The following NAV3 variants were observed in gnomAD, a reference collection of about 807,000 sequenced individuals.
NAV3 encodes the protein pore membrane and/or filament interacting like protein 1.
NAV3 carries 87 observed loss-of-function variants against 244.7 expected under a neutral mutation model. The observed-to-expected ratio is 0.36, with a 90% CI of 0.30 to 0.42. The LOEUF (loss-of-function observed/expected upper bound fraction) is 0.42. Ranked by LOEUF, NAV3 falls within the 20% of genes least tolerant of loss-of-function variation. NAV3 has a pLI of 1.00. For synonymous variants in NAV3, 1,126 were observed against 1,042.2 expected, an observed-to-expected ratio of 1.08 and a Z score of -1.55; for missense variants, 2,663 against 2,893.3, an observed-to-expected ratio of 0.92 and a Z score of 1.83.
chr12:78,013,822 G>A lies in NAV3; in HGVS notation c.1907+6377G>A, dbSNP rs373885055. Reference sequence around the variant, plus strand: ...TTAGGTTTGTTAAATCTCGAAGGAGGTTCCAGTTATTGGAAGAAAAGAGAA... The same window carrying A: ...TTAGGTTTGTTAAATCTCGAAGGAGATTCCAGTTATTGGAAGAAAAGAGAA... On this transcript the variant is annotated intron_variant, in intron 8 of 39. Coordinates refer to ENST00000397909, the MANE Select transcript of NAV3 (RefSeq NM_001024383.2). 2.0e-5 allele frequency among the ~76,000 whole-genome samples: 3 copies of A among 152,086 alleles called. No individual in the cohort carries two copies. In the South Asian group the frequency reaches 6.2e-4, roughly 32 times the overall value.
rs1882329306 is a variant in NAV3 at position 78,049,118 on chromosome 12, T to A, written c.2024-875T>A. ...GTCCTTCAGACTGCTGTGCTGGCAATGAGAATTTCAAGCCAGTGGATCTTA... is the reference window on the plus strand; with the variant it reads ...GTCCTTCAGACTGCTGTGCTGGCAAAGAGAATTTCAAGCCAGTGGATCTTA... On this transcript the variant is annotated intron_variant, in intron 9 of 39. Transcript: ENST00000397909. 2.0e-5 allele frequency among the ~76,000 whole-genome samples: 3 copies of A among 152,254 alleles called. No individual in the cohort carries two copies. In the South Asian group the frequency reaches 6.2e-4, roughly 32 times the overall value.
At chr12:77,731,272 C>G (rs936472601) in intron 2 of NAV3, among the ~76,000 whole-genome samples, 1 of 151,816 alleles carries the variant, frequency 6.6e-6, no homozygotes, top group Non-Finnish European at 1.5e-5. Context: ...AGGGGAAGGT[C>G]TTTCAGAGAA....
Position 78,122,073 on chromosome 12 carries a change from AC to A in NAV3, c.3884del (p.Thr1295ArgfsTer10). 1 of 1,614,202 alleles carries A rather than the reference AC, an allele frequency of 6.2e-7. No individual in the cohort carries two copies. The highest frequency in any genetic ancestry group is 8.5e-7 in the Non-Finnish European group (1 of 1,180,032). On this transcript the variant is annotated frameshift_variant, in exon 16 of 40. Coordinates refer to ENST00000397909, the MANE Select transcript of NAV3 (RefSeq NM_001024383.2). LOFTEE classifies it high-confidence loss of function. ...QGSLESPSSG[T>X]GSMGSAGGLS... ...CAGTCTGGAGTCACCGTCGTCCGGT[AC>A]GGGCAGCATGGGCAGTGCTGGTGGG...
intron 2 of NAV3, among the ~76,000 whole-genome samples, chr12:77,628,274 CA>C (rs1190053205): frequency 6.6e-6 from 1 of 151,920 alleles, no homozygotes; most frequent in Non-Finnish European, 1.5e-5. Flanking sequence ...TAAATATGTA[CA>C]ATTATTATGT....
At chr12:77,721,097 G>A (rs1876608142) in intron 2 of NAV3, among the ~76,000 whole-genome samples, 1 of 152,088 alleles carries the variant, frequency 6.6e-6, no homozygotes, top group Non-Finnish European at 1.5e-5. Flanking sequence ...GTCCATATCT[G>A]GACCCAGTGG....
In NAV3 at chr12:78,210,465, G is replaced by T. The variant is rs764074467; in HGVS notation, c.7106G>T (p.Ser2369Ile). ...AGCACACAAAGCTGCGACAGCGAAAGCACCAGCCACCATGAAGACATTTTG... is the reference window on the plus strand; with the variant it reads ...AGCACACAAAGCTGCGACAGCGAAATCACCAGCCACCATGAAGACATTTTG... The part of the protein sequence containing the change: ...YSSTQSCDSE[S>I]TSHHEDILDS... Residue 2369 changes from serine (S) to isoleucine (I), a missense_variant, in exon 40 of 40, where the codon AGC (serine) becomes ATC (isoleucine). Transcript: ENST00000397909. The T allele has an allele frequency of 6.2e-7, 1 of 1,613,780 alleles. No homozygotes were observed. Among genetic ancestry groups the T allele is most frequent in the Non-Finnish European group, 8.5e-7 (1 of 1,179,864 alleles).
intron 3 of NAV3, among the ~76,000 whole-genome samples, chr12:77,956,648 A>G (rs1215577002): frequency 6.6e-6 from 1 of 152,148 alleles, no homozygotes; most frequent in Non-Finnish European, 1.5e-5. Flanking sequence ...CCTTGTGAAC[A>G]GTTTTCCTTA....
chr12:77,997,920 C>A (rs1593233684), intron 6 of NAV3, among the ~76,000 whole-genome samples: 1 of 152,144 alleles, frequency 6.6e-6, no homozygotes, highest in Non-Finnish European at 1.5e-5. Flanking sequence ...ACAATAAAAA[C>A]AAATGCCTTA....
intron 12 of NAV3, among the ~76,000 whole-genome samples, chr12:78,111,985 T>C (rs1253416326): frequency 2.0e-5 from 3 of 152,204 alleles, no homozygotes; most frequent in Admixed American, 6.5e-5. Flanking sequence ...AACTAAATAA[T>C]CTACGTTGGC....
At chr12:78,173,673 C>G (rs1335770858) in intron 24 of NAV3, among the ~76,000 whole-genome samples, 1 of 151,000 alleles carries the variant, frequency 6.6e-6, no homozygotes, top group Non-Finnish European at 1.5e-5. Flanking sequence ...AATGTTTTGG[C>G]ATGCAAAACC....
intron 2 of NAV3, among the ~76,000 whole-genome samples, chr12:77,790,917 T>A (rs1871148990): frequency 6.6e-6 from 1 of 152,128 alleles, no homozygotes; most frequent in African/African-American, 2.4e-5. Context: ...TTTAAGGGCG[T>A]CCCTCTTACT....
At position 78,051,160 on chromosome 12, in the gene NAV3, G is replaced by A. The variant is rs1188250087; in HGVS notation, c.2516+13G>A. ...ACATCAACAGTGGGTAAGTAACCCT[G>A]TTCTCCGTCAGCATTGTGTGAAGAG... is the stretch of plus-strand genomic sequence containing the variant. On this transcript the variant is annotated intron_variant, in intron 11 of 39. Coordinates refer to ENST00000397909, the MANE Select transcript of NAV3 (RefSeq NM_001024383.2). 3.8e-6 allele frequency: 6 copies of A among 1,590,996 alleles called. No homozygotes were observed. The highest frequency in any genetic ancestry group is 4.3e-6 in the Non-Finnish European group (5 of 1,163,532).
At chr12:78,000,482 T>G (rs2136465897) in intron 7 of NAV3, among the ~76,000 whole-genome samples, 1 of 150,438 alleles carries the variant, frequency 6.6e-6, no homozygotes, top group South Asian at 2.1e-4. Context: ...GAGGTAATAA[T>G]ATATTACACT....
intron 12 of NAV3, among the ~76,000 whole-genome samples, chr12:78,085,597 G>A (rs950790769): frequency 6.6e-6 from 1 of 152,088 alleles, no homozygotes; most frequent in Non-Finnish European, 1.5e-5. Context: ...AGAAATAGAA[G>A]ATGTAGTAGA....
chr12:77,983,563 A>G (rs7968534), intron 5 of NAV3, among the ~76,000 whole-genome samples: 56,746 of 151,976 alleles, frequency 0.37, 11,391 homozygotes, highest in South Asian at 0.44. Context: ...CCTAGGAGAG[A>G]AGCCAGAGCC....
chr12:77,984,839 C>T (rs920911976), intron 5 of NAV3, among the ~76,000 whole-genome samples: 5 of 150,954 alleles, frequency 3.3e-5, no homozygotes, highest in African/African-American at 7.3e-5. Flanking sequence ...TTTTTCGAGA[C>T]GGAGTCTCGC....
chr12:77,596,795 G>T (rs1044354267), intron 2 of NAV3, among the ~76,000 whole-genome samples: 5 of 152,046 alleles, frequency 3.3e-5, no homozygotes, highest in Non-Finnish European at 7.4e-5. Context: ...CTTTTTGCGG[G>T]AAAAAAGTCA....
At chr12:78,145,897 ATTGT>A (rs1443899425) in intron 20 of NAV3, among the ~76,000 whole-genome samples, 3 of 152,092 alleles carry the variant, frequency 2.0e-5, no homozygotes, top group African/African-American at 7.2e-5. Flanking sequence ...TTTATTTGAC[ATTGT>A]TTGTGATCAG....
chr12:77,903,507 A>G (rs1244292464), intron 1 of NAV3, among the ~76,000 whole-genome samples: 1 of 152,220 alleles, frequency 6.6e-6, no homozygotes, highest in Non-Finnish European at 1.5e-5. Flanking sequence ...GATGGATTAA[A>G]GACTTAAATG....
Sources: allele counts gnomAD v4.1 joint callset (sites outside exome capture counted in the v4.1 genomes callset), GRCh38; gene constraint gnomAD v4.1.1; transcripts MANE v1.5; gene names NCBI Gene and HGNC (gene_info 2026-07-23, HGNC 2026-07-21).